The following PRRC2A variants were observed in gnomAD, a reference collection of about 807,000 sequenced individuals.
PRRC2A encodes protein PRRC2A.
Under a neutral mutation model 224.6 loss-of-function variants are expected in PRRC2A, and 59 were observed. The ratio of observed to expected loss-of-function variants is 0.26; its 90% CI spans 0.21 to 0.33. The LOEUF (loss-of-function observed/expected upper bound fraction) is 0.33, where lower values mean the gene tolerates loss of function less well. Among genes scored for constraint, PRRC2A ranks in the 10% least tolerant of loss-of-function variants. PRRC2A has a pLI of 1.00. For missense variants in PRRC2A, 3,095 were observed against 2,880.7 expected (o/e 1.07, Z -1.70); for synonymous variants, 1,194 against 1,109.5 (o/e 1.08, Z -1.51).
intron 5 of PRRC2A, chr6:31,624,946 C>T (rs1213399843): frequency 8.6e-6 from 5 of 580,674 alleles, no homozygotes; most frequent in African/African-American, 3.7e-5. Flanking sequence ...TACAGGCACA[C>T]GCCAACACAC....
rs373402740 is a variant in PRRC2A at position 31,630,647 on chromosome 6, C to G, written c.2311C>G (p.Arg771Gly). ...GGGCTCAAGCTCAGAGCCATTTGAC[C>G]GTCATGCACCTGCTATGTTACGGGA... is the stretch of plus-strand genomic sequence containing the variant. ...SGGSSSEPFD[R>G]HAPAMLRERG... is the part of the protein sequence containing the mutation. The change falls in exon 15 of 31, where the codon CGT becomes GGT. Residue 771 changes from arginine to glycine, a missense_variant. Coordinates refer to ENST00000376033, the MANE Select transcript of PRRC2A (RefSeq NM_004638.4). The G allele has an allele frequency of 6.2e-7, 1 of 1,613,964 alleles. No individual in the cohort carries two copies. The highest frequency in any genetic ancestry group is 8.5e-7 in the Non-Finnish European group (1 of 1,180,022).
Position 31,633,984 on chromosome 6 carries a change from C to G in PRRC2A, c.4714C>G (p.Gln1572Glu). ...GCCTCCCAGAAAACCAGAGCTGCTA[C>G]AGGAGGTAAGGGATGGGTTTGAGAT... ...ERPPRKPELLQEESLPPPHSS... is the reference protein window; with the variant it reads ...ERPPRKPELLEEESLPPPHSS... The change falls in exon 18 of 31, where the codon CAG becomes GAG. Residue 1572 changes from glutamine to glutamate, a missense_variant. Gln to Glu is a conservative substitution (Grantham distance 29). This residue lies in a region of PRRC2A where 2,001 missense variants were observed against 1,764.9 expected (regional missense o/e 1.13). Transcript: ENST00000376033. 1 of 1,605,832 alleles carries G rather than the reference C, an allele frequency of 6.2e-7. No individual in the cohort carries two copies. The highest frequency in any genetic ancestry group is 8.5e-7 in the Non-Finnish European group (1 of 1,178,150).
At position 31,631,549 on chromosome 6, in the gene PRRC2A, C is replaced by G. The variant is rs1469632096; in HGVS notation, c.2876C>G (p.Thr959Arg). 1 of 1,594,198 alleles carries G rather than the reference C, an allele frequency of 6.3e-7. No individual in the cohort carries two copies. The change falls in exon 16 of 31, where the codon ACA becomes AGA. Residue 959 changes from threonine (T) to arginine (R), a missense_variant. Around this residue, in one of 8 missense-constraint regions of PRRC2A, gnomAD observed 2,001 missense variants for 1,764.9 expected, o/e 1.13. Transcript: ENST00000376033. This position sits in a 1 kb window ranked among gnomAD's most constrained non-coding sequence, Gnocchi z 4.5. ...AGPIKKPPPPTKVEELPPKPL... is the reference protein window; with the variant it reads ...AGPIKKPPPPRKVEELPPKPL... ...CCTATAAAGAAACCTCCACCACCTA[C>G]AAAAGTAGAAGAGCTGCCTCCCAAG...
chr6:31,637,174 C>T, intron 29 of PRRC2A, 38 bp downstream of exon 29: 1 of 1,607,850 alleles, frequency 6.2e-7, no homozygotes. Context: ...CCAAGTGCTT[C>T]CTTACTTTGG....
Position 31,637,026 on chromosome 6 carries a change from A to G in PRRC2A, c.6148-16A>G. ...TGTATTTCAAGGTAGGCAGCTCATG[A>G]TTTTTTTCCCCTCAGCTGCATCCAG... On this transcript the variant is annotated splice_polypyrimidine_tract_variant and intron_variant, in intron 28 of 30. Coordinates refer to ENST00000376033, the MANE Select transcript of PRRC2A (RefSeq NM_004638.4). 1 of 1,595,238 alleles carries G rather than the reference A, an allele frequency of 6.3e-7. No individual in the cohort carries two copies. The highest frequency in any genetic ancestry group is 8.5e-7 in the Non-Finnish European group (1 of 1,170,036).
chr6:31,633,555 A>T lies in PRRC2A; in HGVS notation c.4496A>T (p.His1499Leu). ...SVTAPGGHPR[H>L]KPGLPQAPQG... ...ACTGCACCAGGGGGTCATCCAAGGC[A>T]CAAGCCTGGGCTTCCCCAAGCCCCT... The change falls in exon 17 of 31, where the codon CAC becomes CTC. Residue 1499 changes from histidine (H) to leucine (L), a missense_variant. Physicochemically the swap from His to Leu is moderately conservative, Grantham distance 99. Transcript: ENST00000376033. 2 of 1,613,032 alleles carry T rather than the reference A, an allele frequency of 1.2e-6. No homozygotes were observed.
rs1354477644 is a variant in PRRC2A, at chr6:31,625,991, C to G, written c.840-29C>G. On this transcript the variant is annotated intron_variant, in intron 8 of 30. Transcript: ENST00000376033. This position sits in a 1 kb window ranked among gnomAD's most constrained non-coding sequence, Gnocchi z 4.1. ...GTCTCGCATGTGGTTATACAACATG[C>G]CATATTTCATTTTCTTTTTTGTGTA... 1.9e-6 allele frequency: 3 copies of G among 1,609,278 alleles called. No individual in the cohort carries two copies. The highest frequency in any genetic ancestry group is 2.2e-5 in the East Asian group (1 of 44,836).
Position 31,632,925 on chromosome 6 carries a change from G to C in PRRC2A, c.4252G>C (p.Gly1418Arg), listed in dbSNP as rs778119138. ...SGSSSGGGGG[G>R]PGGRTGPGRG... ...CAGCAGCAGTGGAGGAGGCGGTGGG[G>C]GTCCTGGAGGAAGGACCGGGCCAGG... Residue 1418 changes from glycine to arginine, a missense_variant, in exon 16 of 31, where the codon GGT (glycine) becomes CGT (arginine). This residue lies in a region of PRRC2A where 2,001 missense variants were observed against 1,764.9 expected (regional missense o/e 1.13). Transcript: ENST00000376033. 2 of 1,612,196 alleles carry C rather than the reference G, an allele frequency of 1.2e-6. No homozygotes were observed. The highest frequency in any genetic ancestry group is 2.7e-5 in the African/African-American group (2 of 74,922).
At chr6:31,634,589 G>T (rs547482834) in intron 20 of PRRC2A, 32 bp downstream of exon 20, 20 of 1,605,728 alleles carry the variant, frequency 1.2e-5, no homozygotes, top group Non-Finnish European at 1.6e-5. Context: ...TGTCTGAGCT[G>T]GGACTTTTTT....
In PRRC2A at chr6:31,630,654, C is replaced by T; in HGVS notation, c.2318C>T (p.Ala773Val). The change falls in exon 15 of 31, where the codon GCA becomes GTA. Residue 773 changes from alanine to valine, a missense_variant. By Grantham distance (64) the Ala-to-Val change is moderately conservative. Around this residue, in one of 8 missense-constraint regions of PRRC2A, gnomAD observed 2,001 missense variants for 1,764.9 expected, o/e 1.13. Transcript: ENST00000376033. ...AGCTCAGAGCCATTTGACCGTCATG[C>T]ACCTGCTATGTTACGGGAACGGGGC... Reference protein sequence around the residue: ...GSSSEPFDRHAPAMLRERGTP... With the variant: ...GSSSEPFDRHVPAMLRERGTP... 1 of 1,614,108 alleles carries T rather than the reference C, an allele frequency of 6.2e-7. No individual in the cohort carries two copies. The highest frequency in any genetic ancestry group is 1.3e-5 in the African/African-American group (1 of 74,992).
In PRRC2A at chr6:31,624,458, T is replaced by C; in HGVS notation, c.399T>C (p.Pro133=). The C allele has an allele frequency of 6.2e-7, 1 of 1,613,684 alleles. No homozygotes were observed. Among genetic ancestry groups the C allele is most frequent in the East Asian group, 2.2e-5 (1 of 44,888 alleles). The change falls in exon 5 of 31, where the codon CCT becomes CCC. Residue 133 remains proline, a synonymous_variant. Transcript: ENST00000376033. Reference sequence around the variant, plus strand: ...TCTGAACACTTCCCCAGAACACTCCTTTGGTTCCAAGCGGGGTAAAGTCCT... The same window carrying C: ...TCTGAACACTTCCCCAGAACACTCCCTTGGTTCCAAGCGGGGTAAAGTCCT... ...KRPPAAPENT[P]LVPSGVKSWA... is the part of the protein sequence containing the mutation.
Position 31,635,429 on chromosome 6 carries a change from G to A in PRRC2A, c.5337G>A (p.Leu1779=), listed in dbSNP as rs779278769. ...TACGCCTAGTGGTAGGAGACAGCTTGAAAGCAGAGAAGGAGCTAACAGCAT... is the reference window on the plus strand; with the variant it reads ...TACGCCTAGTGGTAGGAGACAGCTTAAAAGCAGAGAAGGAGCTAACAGCAT... ...SDLRLVVGDS[L]KAEKELTASV... Residue 1779 remains leucine, a synonymous_variant, in exon 23 of 31, where the codon TTG becomes TTA. Transcript: ENST00000376033. 6.2e-7 allele frequency: 1 copy of A among 1,614,256 alleles called. No individual in the cohort carries two copies. Among genetic ancestry groups the A allele is most frequent in the Non-Finnish European group, 8.5e-7 (1 of 1,180,036 alleles).
rs1036965365 is a variant in PRRC2A, at chr6:31,622,128, C to T, written c.-100-562C>T. Among the ~76,000 whole-genome samples, 3 of 152,294 alleles carry T rather than the reference C, an allele frequency of 2.0e-5. No individual in the cohort carries two copies. The East Asian group carries it at 5.8e-4, about 29-fold the overall frequency. ...AGCCCTAGTTGTTCTATGAGGATTTCTCTGGTACCAACCCCCATTCCGGCT... is the reference window on the plus strand; with the variant it reads ...AGCCCTAGTTGTTCTATGAGGATTTTTCTGGTACCAACCCCCATTCCGGCT... On this transcript the variant is annotated intron_variant, in intron 1 of 30. Transcript: ENST00000376033.
chr6:31,633,230 C>G, intron 16 of PRRC2A, 149 bp from the exon 17 acceptor site: 6 of 1,211,090 alleles, frequency 5.0e-6, no homozygotes, highest in Non-Finnish European at 5.8e-6. Context: ...GTCTGTGCAT[C>G]TGTATGCATA....
At chr6:31,633,270 G>T (rs1458125338) in intron 16 of PRRC2A, 109 bp from the exon 17 acceptor site, 1 of 1,472,136 alleles carries the variant, frequency 6.8e-7, no homozygotes, top group Non-Finnish European at 9.2e-7. Context: ...AAAAACACCT[G>T]GACTTTAATA....
Position 31,634,682 on chromosome 6 carries a change from A to G in PRRC2A, c.4936-71A>G, listed in dbSNP as rs1394170128. 13 of 1,563,902 alleles carry G rather than the reference A, an allele frequency of 8.3e-6. No individual in the cohort carries two copies. In the Admixed American group the frequency reaches 1.8e-4, roughly 22 times the overall value. On this transcript the variant is annotated intron_variant, in intron 20 of 30. Coordinates refer to ENST00000376033, the MANE Select transcript of PRRC2A (RefSeq NM_004638.4). The stretch of plus-strand genomic sequence containing the variant: ...TGGCTGTCCCCTTTCTGCAGTTTGT[A>G]TGTGTGCATCAGTCAGGTATTGGGG...
intron 2 of PRRC2A, 36 bp downstream of exon 2, chr6:31,622,937 A>G: frequency 6.5e-7 from 1 of 1,537,730 alleles, no homozygotes; most frequent in Non-Finnish European, 9.0e-7. Flanking sequence ...GATGGTTGAA[A>G]GCTAGGCATG....
At chr6:31,630,480 A>C in intron 14 of PRRC2A, 111 bp from the exon 15 acceptor site, 3 of 1,072,148 alleles carry the variant, frequency 2.8e-6, no homozygotes, top group Non-Finnish European at 4.1e-6. Context: ...GCCCGGACCT[A>C]CTGGGAACAA....
intron 5 of PRRC2A, 191 bp from the exon 6 acceptor site, chr6:31,624,980 T>C: frequency 1.6e-6 from 1 of 638,494 alleles, no homozygotes; most frequent in South Asian, 2.0e-5. Context: ...TGTGTGTTTT[T>C]AGTAGAGATG....
Sources: gnomAD v4.1 joint callset for allele counts (sites outside exome capture counted in the v4.1 genomes callset) on GRCh38, gnomAD v4.1.1 for gene constraint, gnomAD v4.1.1 regional missense constraint, Gnocchi (gnomAD v3.1) non-coding constraint, MANE v1.5 for transcripts, NCBI Gene and HGNC (gene_info 2026-07-23, HGNC 2026-07-21) for gene names.